STK39: variants seen among roughly 807,000 people sequenced by gnomAD.
STK39 encodes the protein serine/threonine kinase 39, also known as STE20/SPS1-related proline-alanine-rich protein kinase.
In STK39, 20 loss-of-function variants were observed where a neutral mutation model predicts 77.8. The ratio of observed to expected loss-of-function variants is 0.26; its 90% CI spans 0.18 to 0.37. The LOEUF (loss-of-function observed/expected upper bound fraction) is 0.37. Ranked by LOEUF, STK39 falls within the 10% of genes least tolerant of loss-of-function variation. The pLI is 1.00. For synonymous variants in STK39, 246 were observed against 234.1 expected, an observed-to-expected ratio of 1.05 and a Z score of -0.47; for missense variants, 479 against 656.5, an observed-to-expected ratio of 0.73 and a Z score of 2.95.
intron 14 of STK39, among the ~76,000 whole-genome samples, chr2:168,053,890 C>T (rs767201418): frequency 2.6e-5 from 4 of 152,160 alleles, no homozygotes; most frequent in Non-Finnish European, 4.4e-5. Flanking sequence ...ACAGCTGTGA[C>T]TGCAGGAAAG....
chr2:168,115,717 T>C (rs1307318868), intron 10 of STK39, among the ~76,000 whole-genome samples: 1 of 152,206 alleles, frequency 6.6e-6, no homozygotes, highest in African/African-American at 2.4e-5. Flanking sequence ...TATGGCATGA[T>C]TCCAACTTTG....
intron 12 of STK39, among the ~76,000 whole-genome samples, chr2:168,066,025 C>T (rs1685783860): frequency 6.6e-6 from 1 of 150,726 alleles, no homozygotes; most frequent in Non-Finnish European, 1.5e-5. Flanking sequence ...CAAAAAACAA[C>T]ACCAACAACA....
chr2:168,091,510 C>A (rs16854698), intron 10 of STK39, among the ~76,000 whole-genome samples: 2,863 of 152,300 alleles, frequency 0.019, 108 homozygotes, highest in African/African-American at 0.066. Context: ...TGTCATCACA[C>A]AAACTGTTTA....
intron 16 of STK39, among the ~76,000 whole-genome samples, chr2:167,974,173 GAGAC>G (rs1359050705): frequency 6.6e-6 from 1 of 152,130 alleles, no homozygotes; most frequent in Non-Finnish European, 1.5e-5. Flanking sequence ...AGAAGGCAAA[GAGAC>G]AGACTGTTTG....
chr2:168,010,232 A>G (rs1050203585), intron 16 of STK39, among the ~76,000 whole-genome samples: 4 of 149,768 alleles, frequency 2.7e-5, no homozygotes, highest in Admixed American at 2.6e-4. Flanking sequence ...GATGCTTAGC[A>G]TATGGACCAT....
intron 1 of STK39, among the ~76,000 whole-genome samples, chr2:168,229,674 C>T (rs986264165): frequency 1.3e-5 from 2 of 152,096 alleles, no homozygotes; most frequent in Admixed American, 6.6e-5. Context: ...GCACAGATAA[C>T]GTGTTATTTT....
At chr2:168,064,782 T>C (rs1451439671) in intron 13 of STK39, among the ~76,000 whole-genome samples, 2 of 152,228 alleles carry the variant, frequency 1.3e-5, no homozygotes, top group African/African-American at 4.8e-5. Flanking sequence ...TCTATGCCCC[T>C]AGGCCTTTCC....
chr2:168,039,454 C>T lies in STK39; in HGVS notation c.1377-22359G>A, dbSNP rs368327372. Among the ~76,000 whole-genome samples the T allele has an allele frequency of 3.6e-4, 26 of 71,804 alleles. 12 individuals are homozygous for T. The highest frequency in any genetic ancestry group is 8.2e-4 in the Non-Finnish European group (23 of 28,028). 47.1% of individuals were successfully genotyped at this position (71,804 alleles called of 152,430 possible). On this transcript the variant is annotated intron_variant, in intron 14 of 17. Transcript: ENST00000355999. ...AAAAATACAAAAAATTAGCCGGGCG[C>T]GGTGGCGGGCGCCTGTAGTCCCAGC...
chr2:168,221,104 T>C lies in STK39; in HGVS notation c.208+26124A>G, dbSNP rs541497302. On this transcript the variant is annotated intron_variant, in intron 1 of 17. Coordinates refer to ENST00000355999, the MANE Select transcript of STK39 (RefSeq NM_013233.3). ...GCAAGTGAACACATGAGCAGGATGA[T>C]AGGAAGTAAAAAATTCCACTATCAC... 1.5e-3 allele frequency among the ~76,000 whole-genome samples: 229 copies of C among 152,286 alleles called. 3 individuals are homozygous for C. The highest frequency in any genetic ancestry group is 5.2e-3 in the African/African-American group (215 of 41,542).
At chr2:168,161,407 A>T (rs921677201) in intron 5 of STK39, among the ~76,000 whole-genome samples, 3 of 152,240 alleles carry the variant, frequency 2.0e-5, no homozygotes, top group African/African-American at 7.2e-5. Context: ...ACCTCTTAAG[A>T]AATAAATTAG....
chr2:168,030,821 A>G lies in STK39; in HGVS notation c.1377-13726T>C, dbSNP rs371542682. Among the ~76,000 whole-genome samples, 25 of 152,362 alleles carry G rather than the reference A, an allele frequency of 1.6e-4. No homozygotes were observed. The East Asian group carries it at 4.4e-3, about 27-fold the overall frequency. Reference sequence around the variant, plus strand: ...TCAACTTTTCTGAAATTACTTCAGCAAATGATTATTTATAAAATACATAGT... The same window carrying G: ...TCAACTTTTCTGAAATTACTTCAGCGAATGATTATTTATAAAATACATAGT... On this transcript the variant is annotated intron_variant, in intron 14 of 17. Transcript: ENST00000355999.
chr2:168,159,975 G>A (rs147803948), intron 5 of STK39, among the ~76,000 whole-genome samples: 284 of 152,218 alleles, frequency 1.9e-3, no homozygotes, highest in Middle Eastern at 0.01. Flanking sequence ...CAGACTCCTC[G>A]GCAGTGAGGA....
At chr2:168,139,350 G>T (rs59242759) in intron 7 of STK39, among the ~76,000 whole-genome samples, 27,859 of 150,446 alleles carry the variant, frequency 0.19, 3,260 homozygotes, top group African/African-American at 0.32. Context: ...AGCAAAATCC[G>T]GTATATGTAC....
chr2:168,133,870 A>C (rs1283911049), intron 8 of STK39, among the ~76,000 whole-genome samples: 1 of 152,164 alleles, frequency 6.6e-6, no homozygotes, highest in African/African-American at 2.4e-5. Context: ...AAAAAAAGAA[A>C]ATGACAGAGG....
intron 1 of STK39, among the ~76,000 whole-genome samples, chr2:168,213,960 T>C (rs73974503): frequency 0.25 from 38,435 of 152,076 alleles, 5,327 homozygotes; most frequent in Non-Finnish European, 0.31. Flanking sequence ...TAGTAGAATA[T>C]TCTATAGCCA....
Position 168,247,223 on chromosome 2 carries a change from C to A in STK39, c.208+5G>T. 1 of 1,202,970 alleles carries A rather than the reference C, an allele frequency of 8.3e-7. No homozygotes were observed. The highest frequency in any genetic ancestry group is 1.0e-6 in the Non-Finnish European group (1 of 964,036). 74.5% of individuals were successfully genotyped at this position (1,202,970 alleles called of 1,614,324 possible). A position where few individuals can be genotyped will look rare whatever the true frequency, so the allele number is the denominator to read the frequency against. ...TGCCGGCCCCGCCGCGCCCGCCGCA[C>A]TGACCGATAACCTCCTGCAGCTCGT... On this transcript the variant is annotated splice_donor_5th_base_variant and intron_variant, in intron 1 of 17. Coordinates refer to ENST00000355999, the MANE Select transcript of STK39 (RefSeq NM_013233.3).
At chr2:168,183,609 G>A (rs1480056884) in intron 1 of STK39, among the ~76,000 whole-genome samples, 2 of 152,258 alleles carry the variant, frequency 1.3e-5, no homozygotes, top group East Asian at 3.9e-4. Context: ...CATCCTATAT[G>A]GTTCAACAGA....
At chr2:168,203,300 G>A (rs570153772) in intron 1 of STK39, among the ~76,000 whole-genome samples, 10 of 152,172 alleles carry the variant, frequency 6.6e-5, no homozygotes, top group African/African-American at 2.2e-4. Context: ...ACATCCTTTC[G>A]ACCCATTAAG....
In STK39 at chr2:167,954,906, T is replaced by G. The variant is rs900567317; in HGVS notation, c.*590A>C. ...CAAGAAGCATATAATCAAAACCCTT[T>G]TTTTCTTATAGCTAAGGTGTGTAAT... On this transcript the variant is annotated 3_prime_UTR_variant, in exon 18 of 18. Transcript: ENST00000355999. 2.0e-5 allele frequency: 3 copies of G among 152,654 alleles called. No individual in the cohort carries two copies. Among genetic ancestry groups the G allele is most frequent in the African/African-American group, 7.2e-5 (3 of 41,454 alleles). The allele number at this position is 152,654 out of a possible 1,614,324, so 9.5% of individuals were successfully genotyped here. A position where few individuals can be genotyped will look rare whatever the true frequency, so the allele number is the denominator to read the frequency against.
Sources: allele counts gnomAD v4.1 joint callset (sites outside exome capture counted in the v4.1 genomes callset), GRCh38; gene constraint gnomAD v4.1.1; transcripts MANE v1.5; gene names NCBI Gene and HGNC (gene_info 2026-07-23, HGNC 2026-07-21).